KCNIP4: variants seen among roughly 807,000 people sequenced by gnomAD.
KCNIP4 encodes the protein Kv channel-interacting protein 4.
KCNIP4 carries 12 observed loss-of-function variants against 34.0 expected under a neutral mutation model. The ratio of observed to expected loss-of-function variants is 0.35; its 90% CI spans 0.23 to 0.57. KCNIP4 has a LOEUF of 0.57. Among genes scored for constraint, KCNIP4 ranks in the 20% least tolerant of loss-of-function variants. KCNIP4 has a pLI of 0.83. For synonymous variants in KCNIP4, 124 were observed against 102.2 expected (o/e 1.21, Z -1.29); for missense variants, 238 against 311.7 (o/e 0.76, Z 1.78).
At chr4:21,679,823 T>C (rs1386127958) in intron 1 of KCNIP4, among the ~76,000 whole-genome samples, 1 of 152,322 alleles carries the variant, frequency 6.6e-6, no homozygotes, top group Admixed American at 6.5e-5. Context: ...TGTTATTGCA[T>C]TATGTCTAAA....
rs532682741 is a variant in KCNIP4, at chr4:21,106,431, A to G, written c.62-223722T>C. ...TGATGGTAGTTTGTATTTCTGTGGG[A>G]TCGGTGGTGATATCCCCTTTATCAT... On this transcript the variant is annotated intron_variant, in intron 1 of 8. Transcript: ENST00000382152. Among the ~76,000 whole-genome samples the G allele has an allele frequency of 1.1e-3, 171 of 151,628 alleles. 1 individual carries two copies. The highest frequency in any genetic ancestry group is 1.9e-3 in the Admixed American group (29 of 15,282).
rs73805264 is a variant in KCNIP4, at chr4:21,027,171, G to A, written c.62-144462C>T. Among the ~76,000 whole-genome samples, 582 of 152,308 alleles carry A rather than the reference G, an allele frequency of 3.8e-3. 4 individuals carry two copies. Among genetic ancestry groups the A allele is most frequent in the African/African-American group, 0.013 (532 of 41,560 alleles). On this transcript the variant is annotated intron_variant, in intron 1 of 8. Coordinates refer to ENST00000382152, the MANE Select transcript of KCNIP4 (RefSeq NM_025221.6). ...GACTAAGATGTCGGTAATGGAGGTAGACTAAAAGAAATTGAAAGGTTTAAT... is the reference window on the plus strand; with the variant it reads ...GACTAAGATGTCGGTAATGGAGGTAAACTAAAAGAAATTGAAAGGTTTAAT...
At chr4:21,246,843 C>G (rs1457636769) in intron 1 of KCNIP4, among the ~76,000 whole-genome samples, 1 of 152,146 alleles carries the variant, frequency 6.6e-6, no homozygotes, top group East Asian at 1.9e-4. Context: ...TTCACAAGCA[C>G]TAATAGTTAA....
intron 1 of KCNIP4, among the ~76,000 whole-genome samples, chr4:21,544,831 T>A (rs917416069): frequency 6.6e-6 from 1 of 152,082 alleles, no homozygotes; most frequent in Non-Finnish European, 1.5e-5. Flanking sequence ...GCCATTCTTT[T>A]ATTCCTTTAC....
At chr4:21,366,587 A>G (rs373190271) in intron 1 of KCNIP4, among the ~76,000 whole-genome samples, 52 of 152,346 alleles carry the variant, frequency 3.4e-4, no homozygotes, top group African/African-American at 1.1e-3. Context: ...GGTGAAAGAC[A>G]GGTTACACAT....
At chr4:21,342,148 C>T (rs983524429) in intron 1 of KCNIP4, among the ~76,000 whole-genome samples, 8 of 151,768 alleles carry the variant, frequency 5.3e-5, no homozygotes, top group East Asian at 3.9e-4. Context: ...AGACAAGGCA[C>T]GGGGTAGGAA....
intron 1 of KCNIP4, among the ~76,000 whole-genome samples, chr4:21,816,147 G>A (rs989786247): frequency 6.6e-6 from 1 of 152,086 alleles, no homozygotes; most frequent in African/African-American, 2.4e-5. Flanking sequence ...AACTGTAACA[G>A]AAGAAAATGT....
chr4:21,248,226 T>C (rs1253898860), intron 1 of KCNIP4, among the ~76,000 whole-genome samples: 1 of 151,954 alleles, frequency 6.6e-6, no homozygotes, highest in Admixed American at 6.6e-5. Context: ...ATGAGCTCCA[T>C]GTCACCAGAT....
At chr4:21,546,228 G>A (rs563792896) in intron 1 of KCNIP4, among the ~76,000 whole-genome samples, 47 of 152,174 alleles carry the variant, frequency 3.1e-4, no homozygotes, top group African/African-American at 1.1e-3. Flanking sequence ...ATATTCTTAG[G>A]TTCTACCCAC....
chr4:21,517,632 T>C lies in KCNIP4; in HGVS notation c.61+430939A>G, dbSNP rs116104389. ...ATCCTGCCTAATACGAGTCATTACA[T>C]GCCTACACTCCTTCAGGGTTAAGAT... On this transcript the variant is annotated intron_variant, in intron 1 of 8. Transcript: ENST00000382152. 6.0e-3 allele frequency among the ~76,000 whole-genome samples: 912 copies of C among 152,256 alleles called. 12 individuals are homozygous for C. Among genetic ancestry groups the C allele is most frequent in the African/African-American group, 0.021 (872 of 41,544 alleles).
chr4:21,515,676 T>C (rs1446707900), intron 1 of KCNIP4, among the ~76,000 whole-genome samples: 1 of 152,064 alleles, frequency 6.6e-6, no homozygotes, highest in African/African-American at 2.4e-5. Flanking sequence ...AATTAGATCA[T>C]AAAGGCTTCA....
intron 1 of KCNIP4, among the ~76,000 whole-genome samples, chr4:20,913,523 A>G (rs1728532676): frequency 6.6e-6 from 1 of 152,228 alleles, no homozygotes; most frequent in Non-Finnish European, 1.5e-5. Context: ...TTAAAATAGT[A>G]AAATTTATGT....
chr4:21,616,724 G>C (rs1023386685), intron 1 of KCNIP4, among the ~76,000 whole-genome samples: 1 of 152,048 alleles, frequency 6.6e-6, no homozygotes, highest in Admixed American at 6.6e-5. Context: ...TAGTCACATA[G>C]TGTTCCTCTT....
intron 1 of KCNIP4, among the ~76,000 whole-genome samples, chr4:21,764,699 C>CT (rs1053079984): frequency 1.3e-5 from 2 of 152,060 alleles, no homozygotes; most frequent in African/African-American, 4.8e-5. Flanking sequence ...GCTTAGAAAT[C>CT]TTTTCTGCCC....
chr4:21,045,986 G>A (rs531843220), intron 1 of KCNIP4, among the ~76,000 whole-genome samples: 1 of 152,262 alleles, frequency 6.6e-6, no homozygotes, highest in South Asian at 2.1e-4. Flanking sequence ...ATTTAAATAG[G>A]AGAATGGGAA....
chr4:20,803,436 C>G (rs986376674), intron 3 of KCNIP4, among the ~76,000 whole-genome samples: 1 of 132,990 alleles, frequency 7.5e-6, no homozygotes. Flanking sequence ...AGTTCAAGAC[C>G]AGCCTGGGGA....
At position 20,768,789 on chromosome 4, in the gene KCNIP4, A is replaced by C. The variant is rs151180389; in HGVS notation, c.289-9899T>G. ...ATTAACTGCCTCTTCCATTTCCTGA[A>C]CACACTTCTGGGGTCAAAGTGGTTA... is the stretch of plus-strand genomic sequence containing the variant. On this transcript the variant is annotated intron_variant, in intron 3 of 8. Transcript: ENST00000382152. 3.7e-3 allele frequency among the ~76,000 whole-genome samples: 560 copies of C among 152,300 alleles called. 4 individuals are homozygous for C. The highest frequency in any genetic ancestry group is 0.013 in the African/African-American group (524 of 41,552).
chr4:21,241,379 T>G (rs1377863725), intron 1 of KCNIP4, among the ~76,000 whole-genome samples: 2 of 152,314 alleles, frequency 1.3e-5, no homozygotes, highest in African/African-American at 2.4e-5. Flanking sequence ...TTGAAATGCT[T>G]CTTCTTTTGA....
chr4:21,679,986 G>C (rs1442468576), intron 1 of KCNIP4, among the ~76,000 whole-genome samples: 5 of 152,132 alleles, frequency 3.3e-5, no homozygotes, highest in Non-Finnish European at 7.4e-5. Flanking sequence ...TGAAGTTTGA[G>C]GTGTCTAGTG....
Sources: gnomAD v4.1 joint callset for allele counts (sites outside exome capture counted in the v4.1 genomes callset) on GRCh38, gnomAD v4.1.1 for gene constraint, MANE v1.5 for transcripts, NCBI Gene and HGNC (gene_info 2026-07-23, HGNC 2026-07-21) for gene names.